The following APP variants were observed in gnomAD, a reference collection of about 807,000 sequenced individuals.
APP encodes the protein amyloid beta precursor protein.
Under a neutral mutation model 101.4 loss-of-function variants are expected in APP, and 31 were observed. The ratio of observed to expected loss-of-function variants is 0.31; its 90% CI spans 0.23 to 0.41. APP has a LOEUF of 0.41. Ranked by LOEUF, APP falls within the 10% of genes least tolerant of loss-of-function variation. The pLI, the probability that APP is intolerant of heterozygous loss-of-function variation, is 1.00. For synonymous variants in APP, 366 were observed against 364.4 expected (o/e 1.00, Z -0.05); for missense variants, 839 against 1,003.7 (o/e 0.84, Z 2.22).
chr21:25,946,185 T>C (rs959675079), intron 13 of APP, among the ~76,000 whole-genome samples: 3 of 152,186 alleles, frequency 2.0e-5, no homozygotes, highest in Admixed American at 1.3e-4. Context: ...CTAGATACCA[T>C]ACCATAGTAA....
chr21:25,945,006 A>G (rs948178865), intron 13 of APP, among the ~76,000 whole-genome samples: 1 of 152,234 alleles, frequency 6.6e-6, no homozygotes, highest in African/African-American at 2.4e-5. Context: ...GGATCATCAA[A>G]AGAAACGGCA....
intron 2 of APP, among the ~76,000 whole-genome samples, chr21:26,098,027 C>A (rs1263004895): frequency 6.9e-6 from 1 of 144,394 alleles, no homozygotes; most frequent in Non-Finnish European, 1.5e-5. Context: ...TTGCAGTGAG[C>A]CGAGATCGCG....
intron 13 of APP, 82 bp downstream of exon 13, chr21:25,954,508 C>T (rs1159953814): frequency 1.6e-6 from 2 of 1,240,694 alleles, no homozygotes; most frequent in East Asian, 4.9e-5. Flanking sequence ...CCATATTCCT[C>T]AAACAGATAA....
intron 6 of APP, among the ~76,000 whole-genome samples, chr21:26,021,529 A>G (rs45562444): frequency 0.014 from 2,154 of 152,252 alleles, 29 homozygotes; most frequent in Middle Eastern, 0.031. Context: ...AAGGAATACC[A>G]AGGAGTCACC....
chr21:25,958,839 G>A (rs1349573885), intron 11 of APP, among the ~76,000 whole-genome samples: 3 of 152,138 alleles, frequency 2.0e-5, no homozygotes, highest in Non-Finnish European at 4.4e-5. Context: ...GCTTCTGAAT[G>A]AGACAGTATA....
In APP at chr21:25,992,925, CAAG is replaced by C. The variant is rs1351112963; in HGVS notation, c.1090+4432_1090+4434del. Among the ~76,000 whole-genome samples, 3 of 152,264 alleles carry C rather than the reference CAAG, an allele frequency of 2.0e-5. No individual in the cohort carries two copies. The South Asian group carries it at 6.2e-4, about 32-fold the overall frequency. On this transcript the variant is annotated intron_variant, in intron 8 of 17. Coordinates refer to ENST00000346798, the MANE Select transcript of APP (RefSeq NM_000484.4). ...ATTTGCTACTGCACAGTGAAAAGAA[CAAG>C]AATAGTGTGATTAAGAACAATAGTT...
intron 6 of APP, among the ~76,000 whole-genome samples, chr21:26,001,550 G>A (rs1008178416): frequency 4.6e-5 from 7 of 152,098 alleles, no homozygotes; most frequent in South Asian, 2.1e-4. Flanking sequence ...TTGCACTGCC[G>A]CCCAGTGGCA....
intron 11 of APP, among the ~76,000 whole-genome samples, chr21:25,967,914 C>A (rs1249826386): frequency 6.6e-6 from 1 of 152,228 alleles, no homozygotes; most frequent in Non-Finnish European, 1.5e-5. Context: ...ACCTCCTGTG[C>A]TGCAGTTCTG....
At chr21:26,004,584 G>A (rs1601179232) in intron 6 of APP, among the ~76,000 whole-genome samples, 3 of 152,194 alleles carry the variant, frequency 2.0e-5, no homozygotes, top group East Asian at 1.9e-4. Context: ...GAGGCACCGC[G>A]CCCGGCCTCT....
chr21:26,152,368 C>G (rs1299968073), intron 1 of APP, among the ~76,000 whole-genome samples: 1 of 142,308 alleles, frequency 7.0e-6, no homozygotes, highest in Non-Finnish European at 1.5e-5. Context: ...CAAAACAAAA[C>G]AAAACAAAAG....
intron 1 of APP, among the ~76,000 whole-genome samples, chr21:26,161,568 A>C (rs1250864695): frequency 1.3e-5 from 2 of 152,200 alleles, no homozygotes; most frequent in Non-Finnish European, 2.9e-5. Flanking sequence ...TATGAAAATA[A>C]GCTAATTTCC....
intron 1 of APP, among the ~76,000 whole-genome samples, chr21:26,155,169 T>G (rs1055835378): frequency 1.3e-5 from 2 of 152,178 alleles, no homozygotes; most frequent in African/African-American, 2.4e-5. Context: ...GAAAACTGCT[T>G]GAACCCAGGA....
intron 3 of APP, 122 bp from the exon 4 acceptor site, chr21:26,053,470 C>G (rs2045918684): frequency 2.8e-6 from 2 of 724,636 alleles, no homozygotes; most frequent in South Asian, 1.5e-5. Context: ...CCTAAGCAAC[C>G]CAATCAAGAC....
intron 13 of APP, among the ~76,000 whole-genome samples, chr21:25,935,863 C>T (rs1037778883): frequency 7.4e-6 from 1 of 135,318 alleles, no homozygotes; most frequent in African/African-American, 2.9e-5. Flanking sequence ...AAAAAAAAAC[C>T]TGTCAAATCC....
chr21:25,906,866 A>G (rs1447895448), intron 14 of APP, among the ~76,000 whole-genome samples: 1 of 152,060 alleles, frequency 6.6e-6, no homozygotes, highest in Non-Finnish European at 1.5e-5. Context: ...GAGCACATAC[A>G]TCAATAGTTA....
chr21:26,102,959 C>T (rs925209212), intron 2 of APP, among the ~76,000 whole-genome samples: 2 of 148,238 alleles, frequency 1.3e-5, no homozygotes, highest in East Asian at 2.0e-4. Context: ...TTCCATAATG[C>T]TATGAGAGAT....
chr21:25,954,533 T>A, intron 13 of APP, 57 bp downstream of exon 13: 1 of 1,471,238 alleles, frequency 6.8e-7, no homozygotes, highest in East Asian at 2.3e-5. Context: ...CTTCCTCAAT[T>A]TTCCTCTGGG....
At position 26,021,945 on chromosome 21, in the gene APP, C is replaced by T. The variant is rs532114068; in HGVS notation, c.760G>A (p.Val254Ile). ...DDEDDEDGDE[V>I]EEEAEEPYEE... is the part of the protein sequence containing the mutation. ...TAGGGTTCCTCAGCCTCTTCCTCTACCTCATCACCATCCTCATCGTCCTCG... is the reference window on the plus strand; with the variant it reads ...TAGGGTTCCTCAGCCTCTTCCTCTATCTCATCACCATCCTCATCGTCCTCG... Residue 254 changes from valine (V) to isoleucine (I), a missense_variant, in exon 6 of 18, where the codon GTA becomes ATA. Coordinates refer to ENST00000346798, the MANE Select transcript of APP (RefSeq NM_000484.4). The T allele has an allele frequency of 1.2e-6, 2 of 1,613,622 alleles. No homozygotes were observed. Among genetic ancestry groups the T allele is most frequent in the African/African-American group, 1.3e-5 (1 of 75,020 alleles).
At chr21:26,053,022 A>G (rs1465772696) in intron 4 of APP, among the ~76,000 whole-genome samples, 2 of 152,134 alleles carry the variant, frequency 1.3e-5, no homozygotes, top group Non-Finnish European at 2.9e-5. Context: ...GTGTGGGGAC[A>G]GGGGGTACAC....
Sources: allele counts gnomAD v4.1 joint callset (sites outside exome capture counted in the v4.1 genomes callset), GRCh38; gene constraint gnomAD v4.1.1; transcripts MANE v1.5; gene names NCBI Gene and HGNC (gene_info 2026-07-23, HGNC 2026-07-21).